The following GRIP1 variants were observed in gnomAD, a reference collection of about 807,000 sequenced individuals.
The protein encoded by GRIP1 is glutamate receptor-interacting protein 1.
Under a neutral mutation model 129.9 loss-of-function variants are expected in GRIP1, and 45 were observed. That is an observed-to-expected ratio of 0.35 (90% confidence interval 0.27 to 0.44). The LOEUF (loss-of-function observed/expected upper bound fraction) is 0.44, where lower values mean the gene tolerates loss of function less well. GRIP1 is among the 20% of genes least tolerant of loss of function. GRIP1 has a pLI of 1.00. For synonymous variants in GRIP1, 530 were observed against 520.8 expected, an observed-to-expected ratio of 1.02 and a Z score of -0.24; for missense variants, 1,196 against 1,396.8, an observed-to-expected ratio of 0.86 and a Z score of 2.29.
chr12:66,671,304 C>G (rs571170484), intron 1 of GRIP1, among the ~76,000 whole-genome samples: 1 of 152,152 alleles, frequency 6.6e-6, no homozygotes, highest in Non-Finnish European at 1.5e-5. Context: ...ACAAGAGTGT[C>G]CCTCTTGCTC....
intron 1 of GRIP1, among the ~76,000 whole-genome samples, chr12:66,856,201 C>T (rs2040000483): frequency 6.6e-6 from 1 of 152,088 alleles, no homozygotes; most frequent in Admixed American, 6.6e-5. Flanking sequence ...CCCTTCCTTA[C>T]ACCTTATACA....
At chr12:66,621,193 C>T (rs2065252301) in intron 1 of GRIP1, among the ~76,000 whole-genome samples, 1 of 152,082 alleles carries the variant, frequency 6.6e-6, no homozygotes, top group Non-Finnish European at 1.5e-5. Flanking sequence ...GCACCCATCA[C>T]CCCTATTATC....
chr12:66,703,373 G>A (rs1223838411), intron 1 of GRIP1, among the ~76,000 whole-genome samples: 1 of 152,112 alleles, frequency 6.6e-6, no homozygotes, highest in East Asian at 1.9e-4. Flanking sequence ...TTTTAAGCCA[G>A]AGAAGAGGCA....
chr12:66,357,674 A>G (rs1296475737), intron 23 of GRIP1, among the ~76,000 whole-genome samples: 2 of 152,220 alleles, frequency 1.3e-5, no homozygotes, highest in Non-Finnish European at 2.9e-5. Flanking sequence ...ATGATTTTGT[A>G]AAGGAGAATT....
At chr12:66,733,762 G>T (rs1016783692) in intron 1 of GRIP1, among the ~76,000 whole-genome samples, 8 of 152,082 alleles carry the variant, frequency 5.3e-5, no homozygotes, top group African/African-American at 1.7e-4. Flanking sequence ...GAATAAAATG[G>T]ATATGACATC....
At chr12:66,991,745 C>T (rs892810371) in intron 1 of GRIP1, among the ~76,000 whole-genome samples, 1 of 152,032 alleles carries the variant, frequency 6.6e-6, no homozygotes, top group Non-Finnish European at 1.5e-5. Flanking sequence ...AAATTTAGTC[C>T]ACCCAAAAAT....
intron 4 of GRIP1, among the ~76,000 whole-genome samples, chr12:66,534,203 C>G (rs2061544091): frequency 6.6e-6 from 1 of 152,200 alleles, no homozygotes; most frequent in Non-Finnish European, 1.5e-5. Flanking sequence ...ACAATTCACA[C>G]TTTTGTGTTT....
intron 1 of GRIP1, among the ~76,000 whole-genome samples, chr12:66,619,353 C>T (rs2065172416): frequency 6.6e-6 from 1 of 152,016 alleles, no homozygotes; most frequent in Admixed American, 6.6e-5. Flanking sequence ...AGGTACTAGA[C>T]CATAGGGCCT....
At chr12:66,723,219 T>C (rs2036119390) in intron 1 of GRIP1, among the ~76,000 whole-genome samples, 10 of 50,742 alleles carry the variant, frequency 2.0e-4, no homozygotes, top group African/African-American at 1.1e-3. Flanking sequence ...TCTTTCTTTC[T>C]TTCTTTCTCT....
intron 12 of GRIP1, 83 bp downstream of exon 12, chr12:66,445,239 T>C (rs1371183948): frequency 8.3e-6 from 9 of 1,079,042 alleles, no homozygotes; most frequent in African/African-American, 1.5e-5. Context: ...TTGAGCAATG[T>C]TTCATAATTT....
chr12:66,709,451 T>G (rs2035641545), intron 1 of GRIP1, among the ~76,000 whole-genome samples: 1 of 151,948 alleles, frequency 6.6e-6, no homozygotes, highest in African/African-American at 2.4e-5. Context: ...ATCCTTTTCG[T>G]GGCAAAACCT....
At chr12:66,359,263 G>C (rs1235889706) in intron 23 of GRIP1, among the ~76,000 whole-genome samples, 3 of 152,176 alleles carry the variant, frequency 2.0e-5, no homozygotes, top group Admixed American at 1.3e-4. Flanking sequence ...ACTCACTTTG[G>C]TCTTAGATCT....
rs2054022328 is a variant in GRIP1, at chr12:66,347,535, C to CA, written c.*1483dup. The stretch of plus-strand genomic sequence containing the variant: ...AATATTTGAACAATTTTGAATTCCC[C>CA]AAAACCATACATAGACGATAAATAC... On this transcript the variant is annotated 3_prime_UTR_variant, in exon 25 of 25. Coordinates refer to ENST00000359742, the MANE Select transcript of GRIP1 (RefSeq NM_001366722.1). 1 of 152,050 alleles carries CA rather than the reference C, an allele frequency of 6.6e-6. No individual in the cohort carries two copies. The highest frequency in any genetic ancestry group is 1.5e-5 in the Non-Finnish European group (1 of 68,022). 9.4% of individuals were successfully genotyped at this position (152,050 alleles called of 1,614,324 possible).
chr12:66,375,313 T>C (rs1195211171), intron 22 of GRIP1, among the ~76,000 whole-genome samples: 1 of 152,208 alleles, frequency 6.6e-6, no homozygotes, highest in African/African-American at 2.4e-5. Context: ...TTGCTAGCAA[T>C]AGGGGAAATG....
chr12:66,978,989 T>C (rs1342727461), intron 1 of GRIP1, among the ~76,000 whole-genome samples: 1 of 151,832 alleles, frequency 6.6e-6, no homozygotes, highest in Non-Finnish European at 1.5e-5. Context: ...GCTTTATGCC[T>C]CCAGCAGCAT....
At chr12:66,615,224 TAA>T (rs141565744) in intron 1 of GRIP1, among the ~76,000 whole-genome samples, 2,777 of 152,274 alleles carry the variant, frequency 0.018, 92 homozygotes, top group African/African-American at 0.063. Context: ...AGAAATCCTA[TAA>T]AATAAGCCAA....
At chr12:67,010,520 T>C (rs1826948477) in intron 1 of GRIP1, among the ~76,000 whole-genome samples, 1 of 152,182 alleles carries the variant, frequency 6.6e-6, no homozygotes, top group African/African-American at 2.4e-5. Context: ...CAGTTTTAGA[T>C]GCCACTTTTA....
At chr12:66,531,381 A>G (rs2061461381) in intron 4 of GRIP1, among the ~76,000 whole-genome samples, 2 of 150,680 alleles carry the variant, frequency 1.3e-5, no homozygotes, top group African/African-American at 4.8e-5. Context: ...GTTTAAAAAA[A>G]CTTTTCTTAC....
intron 1 of GRIP1, among the ~76,000 whole-genome samples, chr12:66,728,495 AAAG>A (rs1250448871): frequency 6.6e-6 from 1 of 152,170 alleles, no homozygotes; most frequent in African/African-American, 2.4e-5. Context: ...AGGAAACAAT[AAAG>A]AAGAACACGC....
Sources: allele counts gnomAD v4.1 joint callset (sites outside exome capture counted in the v4.1 genomes callset), GRCh38; gene constraint gnomAD v4.1.1; transcripts MANE v1.5; gene names NCBI Gene and HGNC (gene_info 2026-07-23, HGNC 2026-07-21).